Variants in CCDC187 observed in about 807,000 individuals in gnomAD.
CCDC187 encodes the protein coiled-coil domain containing 187, also known as coiled-coil domain-containing protein 187.
A neutral mutation model predicts 38.0 loss-of-function variants in CCDC187; 32 were observed. That is an observed-to-expected ratio of 0.84 (90% confidence interval 0.64 to 1.13). CCDC187 has a LOEUF of 1.13. CCDC187 is among the 50% of genes most tolerant of loss of function. The pLI, the probability that CCDC187 is intolerant of heterozygous loss-of-function variation, is 0.00. For synonymous variants in CCDC187, 333 were observed against 347.9 expected, an observed-to-expected ratio of 0.96 and a Z score of 0.48; for missense variants, 707 against 786.8, an observed-to-expected ratio of 0.90 and a Z score of 1.21.
At position 136,297,709 on chromosome 9, in the gene CCDC187, C is replaced by T. The variant is rs892439412; in HGVS notation, c.832+5G>A. ...GTGCCAGGGCCCCAAAATAGCAAAC[C>T]TTACCTTCGTCTTTGTGTTTGTCTT... On this transcript the variant is annotated splice_donor_5th_base_variant and intron_variant, in intron 4 of 25. Transcript: ENST00000638797. The T allele has an allele frequency of 8.5e-5, 34 of 398,806 alleles. No homozygotes were observed. The Middle Eastern group carries it at 2.3e-3, about 27-fold the overall frequency. The allele number at this position is 398,806 out of a possible 1,614,324, so 24.7% of individuals were successfully genotyped here. A position where few individuals can be genotyped will look rare whatever the true frequency, so the allele number is the denominator to read the frequency against.
intron 16 of CCDC187, 81 bp downstream of exon 16, chr9:136,267,303 G>T: frequency 2.6e-5 from 24 of 936,398 alleles, no homozygotes; most frequent in South Asian, 4.9e-5. Context: ...GGGCAGGGAG[G>T]GGGCGGGGCT....
In CCDC187 at chr9:136,289,243, C is replaced by T. The variant is rs969605359; in HGVS notation, c.2222+716G>A. Among the ~76,000 whole-genome samples the T allele has an allele frequency of 2.5e-3, 383 of 152,070 alleles. 1 individual carries two copies. The highest frequency in any genetic ancestry group is 0.014 in the East Asian group (71 of 5,176). The stretch of plus-strand genomic sequence containing the variant: ...CAAGAATAGGCAAATCCGGGCGGGG[C>T]GCGGTGACTCACTCCTATAATCCCA... On this transcript the variant is annotated intron_variant, in intron 7 of 25. Transcript: ENST00000638797.
At position 136,285,518 on chromosome 9, in the gene CCDC187, C is replaced by T. The variant is rs1359948064; in HGVS notation, c.2922G>A (p.Ala974=). 5 of 350,266 alleles carry T rather than the reference C, an allele frequency of 1.4e-5. No homozygotes were observed. In the East Asian group the frequency reaches 1.7e-4, roughly 12 times the overall value. The allele number at this position is 350,266 out of a possible 1,614,324, so 21.7% of individuals were successfully genotyped here. ...VAPFQALSPS[A]GSSYAGPATL... is the part of the protein sequence containing the mutation. ...AGGTGGGCAGGTGGTCTTACCTCCC[C>T]GCAGAGGGGCTGAGGGCCTGGAAGG... The change falls in exon 9 of 26, where the codon GCG becomes GCA. Residue 974 remains alanine (A), a synonymous_variant. Transcript: ENST00000638797.
At chr9:136,270,120 G>A (rs185241693) in intron 14 of CCDC187, among the ~76,000 whole-genome samples, 10 of 152,370 alleles carry the variant, frequency 6.6e-5, no homozygotes, top group Admixed American at 2.6e-4. Context: ...TAATGTATGC[G>A]TAATTGTGTA....
chr9:136,275,153 A>G (rs987204039), intron 12 of CCDC187, 146 bp from the exon 13 acceptor site: 1 of 152,184 alleles, frequency 6.6e-6, no homozygotes, highest in African/African-American at 2.4e-5. Context: ...CTCTCTGTCC[A>G]TCCTGCAAGT....
rs1028174477 is a variant in CCDC187 at position 136,293,290 on chromosome 9, C to T, written c.833-995G>A. 1.3e-4 allele frequency among the ~76,000 whole-genome samples: 20 copies of T among 151,472 alleles called. No individual in the cohort carries two copies. The East Asian group carries it at 1.4e-3, about 10-fold the overall frequency. ...ATGCTTTCACACTAACATGCTCACACACTCACAAACACATGTTCACACACT... is the reference window on the plus strand; with the variant it reads ...ATGCTTTCACACTAACATGCTCACATACTCACAAACACATGTTCACACACT... On this transcript the variant is annotated intron_variant, in intron 4 of 25. Transcript: ENST00000638797.
At chr9:136,305,886 C>T (rs1258904552), upstream of CCDC187, among the ~76,000 whole-genome samples, 12 of 152,190 alleles carry the variant, frequency 7.9e-5, no homozygotes, top group African/African-American at 2.4e-4. Flanking sequence ...GCCTCCCTGG[C>T]CTGGTCACCA....
upstream of CCDC187, among the ~76,000 whole-genome samples, chr9:136,306,043 C>A (rs1643843870): frequency 6.6e-6 from 1 of 152,260 alleles, no homozygotes; most frequent in African/African-American, 2.4e-5. Flanking sequence ...GCCCTGCCCC[C>A]AGGAGACTCA....
chr9:136,256,099 A>T, intron 24 of CCDC187, 112 bp downstream of exon 24: 1 of 462,770 alleles, frequency 2.2e-6, no homozygotes, highest in African/African-American at 2.1e-5. Flanking sequence ...CCGGCAGCAC[A>T]GGTGTGCCAG....
chr9:136,263,297 T>TGGG (rs1554761225), intron 18 of CCDC187, among the ~76,000 whole-genome samples: 1 of 146,486 alleles, frequency 6.8e-6, no homozygotes, highest in Admixed American at 7.0e-5. Context: ...TGCAGTGGCA[T>TGGG]ATCTCGGCTC....
rs1339103915 is a variant in CCDC187, at chr9:136,254,421, G to A, written c.5407C>T (p.Pro1803Ser). 21 of 985,208 alleles carry A rather than the reference G, an allele frequency of 2.1e-5. No individual in the cohort carries two copies. Among genetic ancestry groups the A allele is most frequent in the South Asian group, 4.7e-5 (1 of 21,284 alleles). The allele number at this position is 985,208 out of a possible 1,614,324, so 61.0% of individuals were successfully genotyped here. ...LGSGVEPQVAPPSPRSGEGRE... is the reference protein window; with the variant it reads ...LGSGVEPQVASPSPRSGEGRE... ...CCCTCCCCGGACCGTGGGGAGGGAG[G>A]AGCCACCTGGGGCTCCACGCCGCTT... Residue 1803 changes from proline (P) to serine (S), a missense_variant, in exon 26 of 26, where the codon CCT (proline) becomes TCT (serine). Coordinates refer to ENST00000638797, the MANE Select transcript of CCDC187 (RefSeq NM_001378188.1).
At chr9:136,300,517 G>A (rs1014817308) in intron 2 of CCDC187, among the ~76,000 whole-genome samples, 199 bp from the exon 3 acceptor site, 13 of 152,164 alleles carry the variant, frequency 8.5e-5, no homozygotes, top group South Asian at 8.3e-4. Flanking sequence ...GGGTTCAAGC[G>A]AGTCTCCTGC....
rs957570797 is a variant in CCDC187, at chr9:136,290,620, G to A, written c.1993C>T (p.Arg665Trp). 100 of 398,668 alleles carry A rather than the reference G, an allele frequency of 2.5e-4. No individual in the cohort carries two copies. Among genetic ancestry groups the A allele is most frequent in the Non-Finnish European group, 3.3e-4 (75 of 226,098 alleles). 24.7% of individuals were successfully genotyped at this position (398,668 alleles called of 1,614,324 possible). The change falls in exon 6 of 26, where the codon CGG (arginine) becomes TGG (tryptophan). Residue 665 changes from arginine to tryptophan, a missense_variant. Physicochemically the swap from Arg to Trp is moderately radical, Grantham distance 101. Transcript: ENST00000638797. Reference protein sequence around the residue: ...LEEKASALRTRELRSRRLQEV... With the variant: ...LEEKASALRTWELRSRRLQEV... ...TGCAGCCTCCGGCTCCTCAGCTCCC[G>A]TGTGCGCAGGGCCGAGGCCTTCTCC...
rs985768058 is a variant in CCDC187 at position 136,286,535 on chromosome 9, G to A, written c.2383C>T (p.Arg795Trp). The change falls in exon 8 of 26, where the codon CGG becomes TGG. Residue 795 changes from arginine to tryptophan, a missense_variant. Physicochemically the swap from Arg to Trp is moderately radical, Grantham distance 101. Coordinates refer to ENST00000638797, the MANE Select transcript of CCDC187 (RefSeq NM_001378188.1). ...LQDLTTRYLP[R>W]GMCIYLDPKE... is the part of the protein sequence containing the mutation. Reference sequence around the variant, plus strand: ...GGGTCCAGGTAGATGCACATCCCCCGGGGTAGGTAGCGGGTGGTCAGGTCC... The same window carrying A: ...GGGTCCAGGTAGATGCACATCCCCCAGGGTAGGTAGCGGGTGGTCAGGTCC... The A allele has an allele frequency of 2.0e-5, 8 of 398,634 alleles. No homozygotes were observed. The highest frequency in any genetic ancestry group is 8.2e-5 in the African/African-American group (4 of 48,642). 24.7% of individuals were successfully genotyped at this position (398,634 alleles called of 1,614,324 possible). A position where few individuals can be genotyped will look rare whatever the true frequency, so the allele number is the denominator to read the frequency against.
intron 4 of CCDC187, among the ~76,000 whole-genome samples, chr9:136,297,132 C>CCGTGAGCTGCAGGTGG (rs1251033450): frequency 3.3e-5 from 5 of 151,934 alleles, no homozygotes; most frequent in African/African-American, 7.3e-5. Flanking sequence ...CTCTGAAGAG[C>CCGTGAGCTGCAGGTGG]CGTGAGCTGC....
rs1170620565 is a variant in CCDC187 at position 136,263,623 on chromosome 9, T to C, written c.3911A>G (p.Gln1304Arg). The change falls in exon 18 of 26, where the codon CAG becomes CGG. Residue 1304 changes from glutamine to arginine, a missense_variant and splice_region_variant. Coordinates refer to ENST00000638797, the MANE Select transcript of CCDC187 (RefSeq NM_001378188.1). The stretch of plus-strand genomic sequence containing the variant: ...CCCAGCCCAGGCGAGAGCACCCACC[T>C]GCTGCAGCTTGGCCTGGGCCTGCAG... ...HELQAQAKLQ[Q>R]GSSPKVKAAW... 1 of 985,474 alleles carries C rather than the reference T, an allele frequency of 1.0e-6. No homozygotes were observed. The allele number at this position is 985,474 out of a possible 1,614,324, so 61.0% of individuals were successfully genotyped here. A position where few individuals can be genotyped will look rare whatever the true frequency, so the allele number is the denominator to read the frequency against.
At chr9:136,272,711 A>C (rs1283412973) in intron 14 of CCDC187, among the ~76,000 whole-genome samples, 2 of 151,778 alleles carry the variant, frequency 1.3e-5, no homozygotes, top group Non-Finnish European at 2.9e-5. Flanking sequence ...TCAAGAAAAA[A>C]AAAAAAACAA....
chr9:136,253,178 AC>A lies in CCDC187; in HGVS notation c.*415del, dbSNP rs1554759784. The A allele has an allele frequency of 6.6e-6, 1 of 152,366 alleles. No individual in the cohort carries two copies. The highest frequency in any genetic ancestry group is 1.5e-5 in the Non-Finnish European group (1 of 68,212). 9.4% of individuals were successfully genotyped at this position (152,366 alleles called of 1,614,324 possible). Reference sequence around the variant, plus strand: ...AGTGTCCAGGAGCTCATCCAGACCCACTAAGAGCTGCCCCGCTACCCACCCC... The same window carrying A: ...AGTGTCCAGGAGCTCATCCAGACCCATAAGAGCTGCCCCGCTACCCACCCC... On this transcript the variant is annotated 3_prime_UTR_variant, in exon 26 of 26. Transcript: ENST00000638797.
chr9:136,289,518 C>CAAAAAAA (rs878962393), intron 7 of CCDC187, among the ~76,000 whole-genome samples: 4 of 67,294 alleles, frequency 5.9e-5, no homozygotes, highest in South Asian at 5.6e-4. Context: ...AACTCCATCT[C>CAAAAAAA]AAAAAAAAAA....
Sources: gnomAD v4.1 joint callset for allele counts (sites outside exome capture counted in the v4.1 genomes callset) on GRCh38, gnomAD v4.1.1 for gene constraint, MANE v1.5 for transcripts, NCBI Gene and HGNC (gene_info 2026-07-23, HGNC 2026-07-21) for gene names.